Variants in CC2D1A observed in about 807,000 individuals in gnomAD.
The protein encoded by CC2D1A is coiled-coil and C2 domain containing 1A.
CC2D1A carries 68 observed loss-of-function variants against 123.8 expected under a neutral mutation model. The observed-to-expected ratio is 0.55, with a 90% CI of 0.45 to 0.67. The LOEUF is 0.67. Ranked by LOEUF, CC2D1A falls within the 30% of genes least tolerant of loss-of-function variation. The pLI is 0.00. For missense variants in CC2D1A, 1,185 were observed against 1,290.3 expected, an observed-to-expected ratio of 0.92 and a Z score of 1.25; for synonymous variants, 477 against 528.0, an observed-to-expected ratio of 0.90 and a Z score of 1.32.
At chr19:13,920,389 A>G in intron 12 of CC2D1A, 168 bp from the exon 13 acceptor site, 8 of 630,300 alleles carry the variant, frequency 1.3e-5, no homozygotes, top group East Asian at 2.9e-5. Context: ...AAGAAAAAAA[A>G]AAAAAAAAAG....
chr19:13,928,668 G>C (rs571727589), intron 24 of CC2D1A, among the ~76,000 whole-genome samples: 1 of 150,886 alleles, frequency 6.6e-6, no homozygotes, highest in South Asian at 2.1e-4. Flanking sequence ...GGTGGTTCTC[G>C]GCTGTCTCCC....
At chr19:13,918,253 C>G (rs1971277178) in intron 7 of CC2D1A, 59 bp downstream of exon 7, 1 of 1,467,876 alleles carries the variant, frequency 6.8e-7, no homozygotes, top group Admixed American at 2.7e-5. Context: ...CCCACGTGGC[C>G]TGGTGGCAAA....
intron 2 of CC2D1A, among the ~76,000 whole-genome samples, chr19:13,911,545 G>GTTT (rs556216830): frequency 7.9e-6 from 1 of 127,312 alleles, no homozygotes; most frequent in Admixed American, 8.0e-5. Flanking sequence ...GTGTGTGTGT[G>GTTT]TTTTTTTTTT....
rs1228775079 is a variant in CC2D1A at position 13,926,713 on chromosome 19, C to T, written c.2061C>T (p.Pro687=). The T allele has an allele frequency of 1.2e-6, 2 of 1,614,052 alleles. No homozygotes were observed. The highest frequency in any genetic ancestry group is 1.7e-5 in the Admixed American group (1 of 60,006). Residue 687 remains proline, a synonymous_variant, in exon 19 of 29, where the codon CCC becomes CCT. Transcript: ENST00000318003. ...DLDVFVRFDF[P]YPNVEEAQKD... Reference sequence around the variant, plus strand: ...ATGTCTTTGTTCGGTTTGACTTCCCCTATCCCAACGTGGTACGTGGGGAGC... The same window carrying T: ...ATGTCTTTGTTCGGTTTGACTTCCCTTATCCCAACGTGGTACGTGGGGAGC...
chr19:13,910,473 G>A (rs950512453), intron 2 of CC2D1A, among the ~76,000 whole-genome samples: 2 of 150,316 alleles, frequency 1.3e-5, no homozygotes, highest in Non-Finnish European at 2.9e-5. Context: ...TCCGAGCTCT[G>A]CCACTTACTG....
rs778028289 is a variant in CC2D1A, at chr19:13,913,206, C to A, written c.417C>A (p.Thr139=). 6.2e-7 allele frequency: 1 copy of A among 1,613,538 alleles called. No individual in the cohort carries two copies. The highest frequency in any genetic ancestry group is 8.5e-7 in the Non-Finnish European group (1 of 1,179,828). ...PEAPHPGLET[T]LQERLALYQT... ...CCCCTCATCCGGGGCTGGAGACCAC[C>A]TTGCAGGAGAGGCTGGCGCTCTATC... Residue 139 remains threonine, a synonymous_variant, in exon 5 of 29, where the codon ACC becomes ACA. Coordinates refer to ENST00000318003, the MANE Select transcript of CC2D1A (RefSeq NM_017721.5).
At chr19:13,909,656 T>C (rs767513691) in intron 1 of CC2D1A, 167 bp from the exon 2 acceptor site, 1 of 864,582 alleles carries the variant, frequency 1.2e-6, no homozygotes, top group Non-Finnish European at 1.9e-6. Flanking sequence ...TGGCCTATCT[T>C]GGAACACCTG....
In CC2D1A at chr19:13,923,128, A is replaced by G. The variant is rs28564115; in HGVS notation, c.1642-205A>G. On this transcript the variant is annotated intron_variant, in intron 14 of 28. Coordinates refer to ENST00000318003, the MANE Select transcript of CC2D1A (RefSeq NM_017721.5). The surrounding 1 kb of genome is among the most constrained non-coding windows in gnomAD (Gnocchi z 5.3). Reference sequence around the variant, plus strand: ...GAATCACTTGAACCCGGGAGGTGGAAGTTGCAGTGAGCTGAGATCCCGCCA... The same window carrying G: ...GAATCACTTGAACCCGGGAGGTGGAGGTTGCAGTGAGCTGAGATCCCGCCA... Among the ~76,000 whole-genome samples the G allele has an allele frequency of 0.37, 56,303 of 151,198 alleles. 14,753 individuals are homozygous for G. The highest frequency in any genetic ancestry group is 0.75 in the African/African-American group (30,679 of 41,162).
At chr19:13,928,238 C>G (rs749410727) in intron 24 of CC2D1A, 50 bp downstream of exon 24, 1 of 1,517,264 alleles carries the variant, frequency 6.6e-7, no homozygotes, top group East Asian at 2.3e-5. Context: ...ATTCCCCTCT[C>G]AGCCCCACCT....
At chr19:13,919,780 C>T in intron 11 of CC2D1A, 38 bp from the exon 12 acceptor site, 1 of 1,557,362 alleles carries the variant, frequency 6.4e-7, no homozygotes, top group Non-Finnish European at 8.7e-7. Flanking sequence ...TGGTCTCCAT[C>T]CTGACACACA....
At chr19:13,913,006 C>T (rs1056676284) in intron 4 of CC2D1A, among the ~76,000 whole-genome samples, 162 bp from the exon 5 acceptor site, 4 of 152,192 alleles carry the variant, frequency 2.6e-5, no homozygotes, top group Non-Finnish European at 4.4e-5. Context: ...GCTTCTGAAA[C>T]CCCATTCCCT....
At chr19:13,926,457 G>A in intron 17 of CC2D1A, 60 bp from the exon 18 acceptor site, 1 of 1,526,118 alleles carries the variant, frequency 6.6e-7, no homozygotes. Context: ...CAGGCGGGCA[G>A]TGGGACTGAG....
Position 13,930,603 on chromosome 19 carries a change from A to C in CC2D1A, c.*208A>C, listed in dbSNP as rs1358738735. 2 of 630,352 alleles carry C rather than the reference A, an allele frequency of 3.2e-6. No homozygotes were observed. The highest frequency in any genetic ancestry group is 3.7e-5 in the African/African-American group (2 of 54,312). The allele number at this position is 630,352 out of a possible 1,614,324, so 39.0% of individuals were successfully genotyped here. Reference sequence around the variant, plus strand: ...GCCAGCCAGTATGTGCCCCTCACCCAGGCCTGGCTGGGCCCTGGAGAGTCC... The same window carrying C: ...GCCAGCCAGTATGTGCCCCTCACCCCGGCCTGGCTGGGCCCTGGAGAGTCC... On this transcript the variant is annotated 3_prime_UTR_variant, in exon 29 of 29. Transcript: ENST00000318003. The surrounding 1 kb of genome is among the most constrained non-coding windows in gnomAD (Gnocchi z 6.8).
In CC2D1A at chr19:13,918,974, G is replaced by C. The variant is rs750684031; in HGVS notation, c.1081G>C (p.Val361Leu). Residue 361 changes from valine to leucine, a missense_variant, in exon 10 of 29, where the codon GTG (valine) becomes CTG (leucine). Val to Leu is a conservative substitution (Grantham distance 32). Coordinates refer to ENST00000318003, the MANE Select transcript of CC2D1A (RefSeq NM_017721.5). Reference sequence around the variant, plus strand: ...GGAGCAGCGGATGGAGCGGTACCAGGTGGCCGCAGCCCAGGCCAAGAGCAA... The same window carrying C: ...GGAGCAGCGGATGGAGCGGTACCAGCTGGCCGCAGCCCAGGCCAAGAGCAA... ...ALEQRMERYQ[V>L]AAAQAKSKGD... is the part of the protein sequence containing the mutation. 25 of 1,609,934 alleles carry C rather than the reference G, an allele frequency of 1.6e-5. No homozygotes were observed. Among genetic ancestry groups the C allele is most frequent in the Non-Finnish European group, 2.1e-5 (25 of 1,178,288 alleles).
At chr19:13,910,121 G>A (rs57755087) in intron 2 of CC2D1A, among the ~76,000 whole-genome samples, 163 bp downstream of exon 2, 50,677 of 151,660 alleles carry the variant, frequency 0.33, 11,302 homozygotes, top group African/African-American at 0.64. Context: ...CTCTGAGGCC[G>A]GGCACGGTGG....
Position 13,906,396 on chromosome 19 carries a change from C to T in CC2D1A, c.-46C>T. On this transcript the variant is annotated 5_prime_UTR_variant, in exon 1 of 29. Transcript: ENST00000318003. This position sits in a 1 kb window ranked among gnomAD's most constrained non-coding sequence, Gnocchi z 4.1. ...ACAGAGCCCGGGGAAGGAGGCAGGG[C>T]AAGGCCGGGCTTGGGGGCAGGTGGT... The T allele has an allele frequency of 2.0e-6, 3 of 1,471,012 alleles. No homozygotes were observed. Among genetic ancestry groups the T allele is most frequent in the South Asian group, 2.5e-5 (2 of 78,688 alleles). The allele number at this position is 1,471,012 out of a possible 1,614,324, so 91.1% of individuals were successfully genotyped here. A position where few individuals can be genotyped will look rare whatever the true frequency, so the allele number is the denominator to read the frequency against.
At position 13,923,401 on chromosome 19, in the gene CC2D1A, G is replaced by A; in HGVS notation, c.1710G>A (p.Gln570=). ...AGCGGCCTGGCCCGGGTCTGTCTCA[G>A]GAGGCCGCCCGGCGCTATGGTGAAC... ...LVQRPGPGLS[Q]EAARRYGELT... The change falls in exon 15 of 29, where the codon CAG becomes CAA. Residue 570 remains glutamine (Q), a synonymous_variant. Transcript: ENST00000318003. This position sits in a 1 kb window ranked among gnomAD's most constrained non-coding sequence, Gnocchi z 5.3. 1 of 1,613,406 alleles carries A rather than the reference G, an allele frequency of 6.2e-7. No homozygotes were observed. The highest frequency in any genetic ancestry group is 1.1e-5 in the South Asian group (1 of 91,084).
chr19:13,927,783 GAAA>G, intron 22 of CC2D1A, 107 bp from the exon 23 acceptor site: 3 of 890,464 alleles, frequency 3.4e-6, no homozygotes, highest in Non-Finnish European at 4.8e-6. Context: ...CTCTATCTCA[GAAA>G]AAAAAAAAAC....
Position 13,927,889 on chromosome 19 carries a change from C to A in CC2D1A, c.2317-4C>A. ...ACCAACAGTTTCTCCTTACCCCCAC[C>A]CAGGTCCTGGATGGTCGCCGGCCCA... On this transcript the variant is annotated splice_region_variant and splice_polypyrimidine_tract_variant and intron_variant, in intron 22 of 28. Transcript: ENST00000318003. The A allele has an allele frequency of 6.2e-7, 1 of 1,613,320 alleles. No homozygotes were observed. Among genetic ancestry groups the A allele is most frequent in the Non-Finnish European group, 8.5e-7 (1 of 1,179,924 alleles).
Sources: gnomAD v4.1 joint callset for allele counts (sites outside exome capture counted in the v4.1 genomes callset) on GRCh38, gnomAD v4.1.1 for gene constraint, Gnocchi (gnomAD v3.1) non-coding constraint, MANE v1.5 for transcripts, NCBI Gene and HGNC (gene_info 2026-07-23, HGNC 2026-07-21) for gene names.